AIM2: variants seen among roughly 807,000 people sequenced by gnomAD.
The protein encoded by AIM2 is interferon-inducible protein AIM2.
Under a neutral mutation model 27.7 loss-of-function variants are expected in AIM2, and 30 were observed. The ratio of observed to expected loss-of-function variants is 1.08; its 90% CI spans 0.81 to 1.47. AIM2 has a LOEUF of 1.47. Ranked by LOEUF, AIM2 falls within the 40% of genes most tolerant of loss-of-function variation. The probability of loss-of-function intolerance (pLI) is 0.00; values close to 1 mark genes in which losing one functional copy is unlikely to be tolerated. For synonymous variants in AIM2, 141 were observed against 145.3 expected (o/e 0.97, Z 0.21); for missense variants, 358 against 411.3 (o/e 0.87, Z 1.12).
upstream of AIM2, among the ~76,000 whole-genome samples, chr1:159,142,869 C>G (rs547202983): frequency 6.6e-6 from 1 of 152,212 alleles, no homozygotes; most frequent in South Asian, 2.1e-4. Flanking sequence ...TAATTGGATT[C>G]TATGCTCCCG....
intron 1 of AIM2, among the ~76,000 whole-genome samples, chr1:159,075,574 C>A (rs61828167): frequency 1.8e-5 from 2 of 109,148 alleles, no homozygotes; most frequent in Non-Finnish European, 4.3e-5. Flanking sequence ...CACACACACA[C>A]ATATATATAT....
At chr1:159,107,588 C>CA (rs1219947041) in intron 1 of AIM2, among the ~76,000 whole-genome samples, 6 of 151,034 alleles carry the variant, frequency 4.0e-5, no homozygotes, top group African/African-American at 1.5e-4. Context: ...GAAATTGAAA[C>CA]AAAAAAATAT....
At chr1:159,141,317 G>A (rs190239824), upstream of AIM2, among the ~76,000 whole-genome samples, 62 of 152,212 alleles carry the variant, frequency 4.1e-4, no homozygotes, top group East Asian at 1.5e-3. Context: ...GTGACTTTCC[G>A]TCTTGGTCAC....
At chr1:159,145,329 GC>G (rs1178515217), upstream of AIM2, among the ~76,000 whole-genome samples, 1 of 152,108 alleles carries the variant, frequency 6.6e-6, no homozygotes, top group Non-Finnish European at 1.5e-5. Context: ...ATTTCTCCAT[GC>G]CTATTATGCA....
intron 1 of AIM2, among the ~76,000 whole-genome samples, chr1:159,083,730 TATA>T (rs1215394962): frequency 6.6e-6 from 1 of 152,178 alleles, no homozygotes; most frequent in African/African-American, 2.4e-5. Context: ...TATGATAAAA[TATA>T]ATAATATTTC....
Position 159,073,409 on chromosome 1 carries a change from C to G in AIM2, c.91G>C (p.Asp31His). The G allele has an allele frequency of 6.2e-7, 1 of 1,614,164 alleles. No individual in the cohort carries two copies. The highest frequency in any genetic ancestry group is 1.1e-5 in the South Asian group (1 of 91,086). Reference sequence around the variant, plus strand: ...TTGCCTGTGGCAATATTAAACTCGTCTGAAAGAAAGAACTTAAACCTATCC... The same window carrying G: ...TTGCCTGTGGCAATATTAAACTCGTGTGAAAGAAAGAACTTAAACCTATCC... ...ELDRFKFFLS[D>H]EFNIATGKLH... Residue 31 changes from aspartate (D) to histidine (H), a missense_variant, in exon 2 of 6, where the codon GAC (aspartate) becomes CAC (histidine). Coordinates refer to ENST00000368130, the MANE Select transcript of AIM2 (RefSeq NM_004833.3).
At chr1:159,119,501 C>A (rs1345721075) in intron 1 of AIM2, among the ~76,000 whole-genome samples, 1 of 152,014 alleles carries the variant, frequency 6.6e-6, no homozygotes, top group Non-Finnish European at 1.5e-5. Context: ...TCAGTGACAG[C>A]CCCTTCAAGC....
chr1:159,102,649 A>G (rs1374334047), intron 1 of AIM2, among the ~76,000 whole-genome samples: 1 of 152,258 alleles, frequency 6.6e-6, no homozygotes, highest in Admixed American at 6.5e-5. Context: ...TGCCCTGGAT[A>G]TGAGACATGG....
At chr1:159,118,918 G>C (rs1232362913) in intron 1 of AIM2, among the ~76,000 whole-genome samples, 1 of 152,034 alleles carries the variant, frequency 6.6e-6, no homozygotes, top group East Asian at 1.9e-4. Context: ...AAACAATCCG[G>C]AATCTTAGTT....
intron 1 of AIM2, among the ~76,000 whole-genome samples, chr1:159,102,897 T>G (rs924661984): frequency 9.2e-5 from 14 of 152,186 alleles, no homozygotes; most frequent in Non-Finnish European, 8.8e-5. Flanking sequence ...CTTGGACTTT[T>G]GGGTTAATGC....
At chr1:159,068,459 C>G (rs1001238798) in intron 3 of AIM2, 109 bp downstream of exon 3, 13 of 1,416,062 alleles carry the variant, frequency 9.2e-6, no homozygotes, top group Non-Finnish European at 1.1e-5. Flanking sequence ...TGTGGCCTTG[C>G]TTCCCTTATT....
At chr1:159,126,648 C>A (rs200215899) in intron 1 of AIM2, among the ~76,000 whole-genome samples, 1,053 of 113,378 alleles carry the variant, frequency 9.3e-3, no homozygotes, top group African/African-American at 0.013. Context: ...GACTACGTCT[C>A]AAAAAAAAAA....
At chr1:159,141,280 G>T (rs559903840), upstream of AIM2, among the ~76,000 whole-genome samples, 1 of 152,142 alleles carries the variant, frequency 6.6e-6, no homozygotes, top group Admixed American at 6.5e-5. Context: ...GAGGTCAAAG[G>T]AGGGAATCAG....
chr1:159,134,537 C>T (rs1647978329), intron 1 of AIM2, among the ~76,000 whole-genome samples: 1 of 152,166 alleles, frequency 6.6e-6, no homozygotes, highest in Admixed American at 6.5e-5. Context: ...ACTCGCTTTA[C>T]AGTCCTTCAT....
chr1:159,131,277 G>A (rs983100784), intron 1 of AIM2, among the ~76,000 whole-genome samples: 1 of 152,054 alleles, frequency 6.6e-6, no homozygotes, highest in African/African-American at 2.4e-5. Flanking sequence ...ATTTTCCTTG[G>A]GGAATGATTC....
intron 2 of AIM2, among the ~76,000 whole-genome samples, chr1:159,069,695 AC>A (rs1257009500): frequency 6.6e-6 from 1 of 151,982 alleles, no homozygotes; most frequent in Non-Finnish European, 1.5e-5. Flanking sequence ...GGCTCATGCC[AC>A]CACGCCTGAC....
chr1:159,068,117 A>C (rs1656186045), intron 3 of AIM2, among the ~76,000 whole-genome samples: 1 of 152,158 alleles, frequency 6.6e-6, no homozygotes, highest in Non-Finnish European at 1.5e-5. Flanking sequence ...TACAAACCAC[A>C]GACTCCCTCA....
the AIM2 span, among the ~76,000 whole-genome samples, chr1:159,056,564 C>T: frequency 1.3e-5 from 2 of 151,680 alleles, no homozygotes; most frequent in African/African-American, 4.8e-5. Flanking sequence ...TCTCCAGTTG[C>T]ATGACTGGAG....
At chr1:159,146,216 AG>A (rs985962112) in intron 1 of AIM2, among the ~76,000 whole-genome samples, 2 of 152,144 alleles carry the variant, frequency 1.3e-5, no homozygotes, top group African/African-American at 4.8e-5. Flanking sequence ...GGAGGGCAGT[AG>A]GTTGTCATGT....
Sources: allele counts gnomAD v4.1 joint callset (sites outside exome capture counted in the v4.1 genomes callset), GRCh38; gene constraint gnomAD v4.1.1; transcripts MANE v1.5; gene names NCBI Gene and HGNC (gene_info 2026-07-23, HGNC 2026-07-21).